C3: variants seen among roughly 807,000 people sequenced by gnomAD.
C3 encodes the protein complement C3.
C3 carries 97 observed loss-of-function variants against 207.9 expected under a neutral mutation model. The ratio of observed to expected loss-of-function variants is 0.47; its 90% CI spans 0.40 to 0.55. The LOEUF is 0.55. Among genes scored for constraint, C3 ranks in the 20% least tolerant of loss-of-function variants. C3 has a pLI of 0.00. For missense variants in C3, 1,684 were observed against 2,171.7 expected, an observed-to-expected ratio of 0.78 and a Z score of 4.46; for synonymous variants, 848 against 857.6, an observed-to-expected ratio of 0.99 and a Z score of 0.20.
chr19:6,680,361 A>G (rs1469147430), intron 35 of C3, 98 bp from the exon 36 acceptor site: 2 of 754,826 alleles, frequency 2.6e-6, no homozygotes, highest in Non-Finnish European at 4.9e-6. Flanking sequence ...TGAAGGATCA[A>G]GGAGGAAGTG....
At chr19:6,710,595 G>C (rs777454925) in intron 13 of C3, 44 bp downstream of exon 13, 1 of 1,434,946 alleles carries the variant, frequency 7.0e-7, no homozygotes, top group Non-Finnish European at 9.7e-7. Flanking sequence ...AGAGAGAGGA[G>C]TAGGGAGAGG....
At position 6,679,500 on chromosome 19, in the gene C3, C is replaced by T. The variant is rs2277984; in HGVS notation, c.4457-4G>A. 826,529 of 1,601,234 alleles carry T rather than the reference C, an allele frequency of 0.52. 215,132 individuals are homozygous for T. The highest frequency in any genetic ancestry group is 0.59 in the South Asian group (54,004 of 90,802). ...TAGAACCGGGTACAGCTTTCCTCTG[C>T]GGGCAGATGTGATGTGAAGATGAGA... is the stretch of plus-strand genomic sequence containing the variant. On this transcript the variant is annotated splice_region_variant and splice_polypyrimidine_tract_variant and intron_variant, in intron 36 of 40. Coordinates refer to ENST00000245907, the MANE Select transcript of C3 (RefSeq NM_000064.4).
intron 34 of C3, 24 bp downstream of exon 34, chr19:6,682,118 T>G (rs867087895): frequency 6.2e-7 from 1 of 1,610,576 alleles, no homozygotes; most frequent in South Asian, 1.1e-5. Flanking sequence ...TTTCCACTTA[T>G]CCCAGCTCCT....
intron 2 of C3, among the ~76,000 whole-genome samples, chr19:6,718,657 G>A (rs1259947654): frequency 6.6e-6 from 1 of 151,576 alleles, no homozygotes; most frequent in East Asian, 1.9e-4. Context: ...CAGAAGGGGC[G>A]GGGACTCAGA....
At chr19:6,702,268 G>T in intron 18 of C3, 56 bp from the exon 19 acceptor site, 1 of 1,189,408 alleles carries the variant, frequency 8.4e-7, no homozygotes. Context: ...GGTGGTAGAG[G>T]GGAAGAACTG....
At chr19:6,704,222 C>T (rs139944919) in intron 17 of C3, among the ~76,000 whole-genome samples, 3 of 151,610 alleles carry the variant, frequency 2.0e-5, no homozygotes, top group Non-Finnish European at 4.4e-5. Flanking sequence ...AAGAGGTTGA[C>T]GCTGCAGTGA....
In C3 at chr19:6,714,588, G is replaced by A. The variant is rs1244148586; in HGVS notation, c.505-142C>T. 9.9e-6 allele frequency: 7 copies of A among 707,830 alleles called. No homozygotes were observed. In the East Asian group the frequency reaches 1.1e-4, roughly 11 times the overall value. 43.8% of individuals were successfully genotyped at this position (707,830 alleles called of 1,614,324 possible). A position where few individuals can be genotyped will look rare whatever the true frequency, so the allele number is the denominator to read the frequency against. On this transcript the variant is annotated intron_variant, in intron 4 of 40. Coordinates refer to ENST00000245907, the MANE Select transcript of C3 (RefSeq NM_000064.4). ...GTTAAGAACAGGGACCCAGGTGGGC[G>A]CAGCGGCTCACGCCTGTCATCCCAG...
chr19:6,691,019 T>C (rs1918152546), intron 26 of C3, among the ~76,000 whole-genome samples: 2 of 151,276 alleles, frequency 1.3e-5, no homozygotes, highest in Admixed American at 1.3e-4. Context: ...GTAGGGAAGA[T>C]GGACATGGTC....
intron 4 of C3, chr19:6,717,663 GTA>G: frequency 3.1e-6 from 1 of 325,788 alleles, no homozygotes; most frequent in East Asian, 7.7e-5. Flanking sequence ...GTGTGGTTAT[GTA>G]TGTTGTGTTG....
In C3 at chr19:6,696,539, T is replaced by C. The variant is rs1318900289; in HGVS notation, c.2863+54A>G. ...ATCCTACCTCACTAAACCCAGGTCATTTACCCCCCTTACCCTGCCAGCCCC... is the reference window on the plus strand; with the variant it reads ...ATCCTACCTCACTAAACCCAGGTCACTTACCCCCCTTACCCTGCCAGCCCC... On this transcript the variant is annotated intron_variant, in intron 22 of 40. Transcript: ENST00000245907. 5 of 1,601,082 alleles carry C rather than the reference T, an allele frequency of 3.1e-6. No homozygotes were observed. In the African/African-American group the frequency reaches 6.7e-5, roughly 21 times the overall value.
In C3 at chr19:6,696,360, G is replaced by A. The variant is rs200645021; in HGVS notation, c.2950+19C>T. On this transcript the variant is annotated intron_variant, in intron 23 of 40. Transcript: ENST00000245907. ...ATGCCCTCCTGGGACCCATGGGGTC[G>A]GGGTCAAGGGTGTCTCACCTTGCAG... is the stretch of plus-strand genomic sequence containing the variant. The A allele has an allele frequency of 3.1e-5, 49 of 1,566,954 alleles. No homozygotes were observed. In the Admixed American group the frequency reaches 6.5e-4, roughly 21 times the overall value.
At chr19:6,714,585 G>A in intron 4 of C3, 139 bp from the exon 5 acceptor site, 1 of 712,080 alleles carries the variant, frequency 1.4e-6, no homozygotes, top group South Asian at 1.5e-5. Flanking sequence ...GACCCAGGTG[G>A]GCGCAGCGGC....
chr19:6,696,238 G>C, intron 23 of C3, 141 bp downstream of exon 23: 2 of 608,314 alleles, frequency 3.3e-6, no homozygotes, highest in South Asian at 3.7e-5. Flanking sequence ...AAATGTAAAA[G>C]AGGGAAAACA....
At position 6,694,441 on chromosome 19, in the gene C3, G is replaced by A. The variant is rs1248730670; in HGVS notation, c.3144C>T (p.Leu1048=). The A allele has an allele frequency of 6.2e-6, 10 of 1,614,034 alleles. No individual in the cohort carries two copies. The highest frequency in any genetic ancestry group is 2.2e-5 in the East Asian group (1 of 44,886). The part of the protein sequence containing the change: ...GLEKRQGALE[L]IKKGYTQQLA... ...GGGCAGGGAGCCCACCCTTCTTGATGAGCTCCAAGGCCCCCTGCCGCTTCT... is the reference window on the plus strand; with the variant it reads ...GGGCAGGGAGCCCACCCTTCTTGATAAGCTCCAAGGCCCCCTGCCGCTTCT... The change falls in exon 24 of 41, where the codon CTC becomes CTT. Residue 1048 remains leucine (L), a synonymous_variant. Transcript: ENST00000245907.
intron 13 of C3, among the ~76,000 whole-genome samples, 161 bp downstream of exon 13, chr19:6,710,478 G>A (rs752372979): frequency 7.4e-5 from 11 of 148,778 alleles, no homozygotes; most frequent in Non-Finnish European, 8.9e-5. Context: ...AGAGACAGTT[G>A]AGAGACAGAG....
chr19:6,690,555 C>G lies in C3; in HGVS notation c.3489+74G>C, dbSNP rs1276794953. On this transcript the variant is annotated intron_variant, in intron 27 of 40. Transcript: ENST00000245907. ...AGAGCTGCAAATTCCCTGAAGGCAACCTCTCACTCTCCAAGGTGGCTGTGC... is the reference window on the plus strand; with the variant it reads ...AGAGCTGCAAATTCCCTGAAGGCAAGCTCTCACTCTCCAAGGTGGCTGTGC... 4 of 1,179,064 alleles carry G rather than the reference C, an allele frequency of 3.4e-6. No individual in the cohort carries two copies. The African/African-American group carries it at 6.0e-5, about 18-fold the overall frequency. The allele number at this position is 1,179,064 out of a possible 1,614,324, so 73.0% of individuals were successfully genotyped here.
At chr19:6,717,431 T>C (rs200450194) in intron 4 of C3, 3,217 of 147,164 alleles carry the variant, frequency 0.022, 108 homozygotes, top group African/African-American at 0.082. Flanking sequence ...TGTGTGTGTG[T>C]GCGCGCCATA....
chr19:6,711,188 C>G lies in C3; in HGVS notation c.1278G>C (p.Thr426=), dbSNP rs138824784. Residue 426 remains threonine, a synonymous_variant, in exon 12 of 41, where the codon ACG becomes ACC. Transcript: ENST00000245907. ...SQKPLSITVR[T]KKQELSEAEQ... The stretch of plus-strand genomic sequence containing the variant: ...CTGCCTCCGAGAGCTCCTGCTTCTT[C>G]GTGCGCACCTGGGTGGGGAAAGAGG... 6.2e-7 allele frequency: 1 copy of G among 1,612,636 alleles called. No individual in the cohort carries two copies. Among genetic ancestry groups the G allele is most frequent in the African/African-American group, 1.3e-5 (1 of 74,996 alleles).
At chr19:6,682,597 T>C (rs1422162991) in intron 33 of C3, 4 of 320,924 alleles carry the variant, frequency 1.2e-5, no homozygotes, top group Non-Finnish European at 2.4e-5. Flanking sequence ...ACATGGTTCT[T>C]TTTCAGTACC....
Sources: allele counts gnomAD v4.1 joint callset (sites outside exome capture counted in the v4.1 genomes callset), GRCh38; gene constraint gnomAD v4.1.1; transcripts MANE v1.5; gene names NCBI Gene and HGNC (gene_info 2026-07-23, HGNC 2026-07-21).